Variants in SLC22A4 observed in about 807,000 individuals in gnomAD.
SLC22A4 encodes ET transporter.
In SLC22A4, 39 loss-of-function variants were observed where a neutral mutation model predicts 56.6. The observed-to-expected ratio is 0.69, with a 90% confidence interval of 0.53 to 0.90. The LOEUF (loss-of-function observed/expected upper bound fraction) is 0.90. Ranked by LOEUF, SLC22A4 falls within the 40% of genes least tolerant of loss-of-function variation. SLC22A4 has a pLI of 0.00. For synonymous variants in SLC22A4, 241 were observed against 281.4 expected (o/e 0.86, Z 1.44); for missense variants, 594 against 696.5 (o/e 0.85, Z 1.66).
chr5:132,301,805 G>A (rs976056866), intron 1 of SLC22A4, among the ~76,000 whole-genome samples: 2 of 151,966 alleles, frequency 1.3e-5, no homozygotes, highest in Non-Finnish European at 2.9e-5. Context: ...AAAACCTTCC[G>A]TGATAGGCAG....
chr5:132,335,773 A>T, intron 7 of SLC22A4, 45 bp from the exon 8 acceptor site: 1 of 1,477,824 alleles, frequency 6.8e-7, no homozygotes, highest in Non-Finnish European at 9.5e-7. Context: ...ATAAGAAAGT[A>T]TCACTTCTAA....
At chr5:132,308,865 C>A (rs1162313275) in intron 1 of SLC22A4, among the ~76,000 whole-genome samples, 1 of 152,168 alleles carries the variant, frequency 6.6e-6, no homozygotes, top group Non-Finnish European at 1.5e-5. Context: ...AAAGCACACC[C>A]CCAAAGCAAT....
At chr5:132,316,099 GT>G (rs1399632606) in intron 3 of SLC22A4, among the ~76,000 whole-genome samples, 1 of 152,200 alleles carries the variant, frequency 6.6e-6, no homozygotes, top group Admixed American at 6.5e-5. Context: ...GAGGAGTTTG[GT>G]AGGTGCCTTC....
intron 9 of SLC22A4, among the ~76,000 whole-genome samples, chr5:132,342,730 A>G (rs1330262276): frequency 1.3e-5 from 2 of 152,206 alleles, no homozygotes; most frequent in East Asian, 3.8e-4. Context: ...GTTTCTTACA[A>G]AGGATACAAA....
intron 1 of SLC22A4, among the ~76,000 whole-genome samples, chr5:132,297,662 T>C (rs419291): frequency 0.64 from 96,605 of 151,416 alleles, 31,820 homozygotes; most frequent in African/African-American, 0.78. Context: ...TTAAAAATAG[T>C]TACTACAAAA....
intron 8 of SLC22A4, among the ~76,000 whole-genome samples, 192 bp downstream of exon 8, chr5:132,336,192 C>T (rs1191510327): frequency 6.6e-6 from 1 of 152,080 alleles, no homozygotes; most frequent in African/African-American, 2.4e-5. Context: ...TTTTGTTTTG[C>T]ACAACATCAT....
At chr5:132,333,709 GAGAAA>G (rs1750931541) in intron 6 of SLC22A4, among the ~76,000 whole-genome samples, 1 of 95,246 alleles carries the variant, frequency 1.0e-5, no homozygotes, top group Non-Finnish European at 2.3e-5. Context: ...AAGGAGGAAA[GAGAAA>G]AGAAGAGAGA....
chr5:132,309,626 C>A (rs1263451800), intron 1 of SLC22A4, among the ~76,000 whole-genome samples: 1 of 152,266 alleles, frequency 6.6e-6, no homozygotes, highest in Non-Finnish European at 1.5e-5. Context: ...TGATCCCCTG[C>A]CAGGGCCAGC....
chr5:132,327,172 A>T (rs1305192517), intron 4 of SLC22A4, 105 bp from the exon 5 acceptor site: 1 of 936,540 alleles, frequency 1.1e-6, no homozygotes, highest in Non-Finnish European at 1.6e-6. Context: ...TTAAAAAGAC[A>T]AACTAGAATT....
rs1316351753 is a variant in SLC22A4 at position 132,313,717 on chromosome 5, G to T, written c.601G>T (p.Val201Phe). ...ISWEMFTVLF[V>F]IVGMGQISNY... ...CTGGGAGATGTTCACTGTGTTATTT[G>T]TCATCGTGGGCATGGGCCAGATCTC... The change falls in exon 3 of 10, where the codon GTC becomes TTC. Residue 201 changes from valine (V) to phenylalanine (F), a missense_variant. Transcript: ENST00000200652. 6.2e-7 allele frequency: 1 copy of T among 1,614,214 alleles called. No individual in the cohort carries two copies.
intron 5 of SLC22A4, among the ~76,000 whole-genome samples, chr5:132,330,861 A>T (rs1449880278): frequency 6.6e-6 from 1 of 152,176 alleles, no homozygotes; most frequent in Admixed American, 6.6e-5. Flanking sequence ...TAATAGTTTA[A>T]ATTTACTGGA....
chr5:132,323,896 C>G (rs1047203959), intron 4 of SLC22A4, among the ~76,000 whole-genome samples: 1 of 152,132 alleles, frequency 6.6e-6, no homozygotes, highest in African/African-American at 2.4e-5. Context: ...CCAGTACTTT[C>G]AAAATGTTAT....
chr5:132,333,836 C>T (rs1750936590), intron 6 of SLC22A4, among the ~76,000 whole-genome samples: 1 of 151,718 alleles, frequency 6.6e-6, no homozygotes, highest in African/African-American at 2.4e-5. Flanking sequence ...GATAGAGTTT[C>T]GCTCTGTCAC....
intron 1 of SLC22A4, among the ~76,000 whole-genome samples, chr5:132,310,828 A>G (rs899180131): frequency 5.9e-5 from 9 of 152,162 alleles, no homozygotes; most frequent in Non-Finnish European, 1.3e-4. Context: ...TAAGCAGACT[A>G]CTTCGGATAC....
At chr5:132,341,403 G>A (rs79222665) in intron 9 of SLC22A4, among the ~76,000 whole-genome samples, 88 of 152,230 alleles carry the variant, frequency 5.8e-4, no homozygotes, top group Middle Eastern at 3.4e-3. Flanking sequence ...GGGCAACAGA[G>A]CTAGACTCTG....
chr5:132,335,979 GC>G lies in SLC22A4; in HGVS notation c.1428del (p.Tyr477ThrfsTer20). 1.2e-6 allele frequency: 2 copies of G among 1,614,054 alleles called. No homozygotes were observed. Among genetic ancestry groups the G allele is most frequent in the Non-Finnish European group, 1.7e-6 (2 of 1,179,966 alleles). On this transcript the variant is annotated frameshift_variant, in exon 8 of 10. Transcript: ENST00000200652. LOFTEE classifies it high-confidence loss of function. Reference sequence around the variant, plus strand: ...GGCCTCCAGAGTGGGCAGCATCATTGCCCCCTACTTTGTTTACCTCGGTGAG... The same window carrying G: ...GGCCTCCAGAGTGGGCAGCATCATTGCCCCTACTTTGTTTACCTCGGTGAG... ...STASRVGSII[A>X]PYFVYLGAYN... is the part of the protein sequence containing the mutation.
intron 1 of SLC22A4, among the ~76,000 whole-genome samples, chr5:132,300,108 G>A (rs1335821052): frequency 6.6e-6 from 1 of 152,142 alleles, no homozygotes; most frequent in African/African-American, 2.4e-5. Flanking sequence ...TTTGATGAAT[G>A]CTCCTCAGTT....
intron 1 of SLC22A4, 28 bp downstream of exon 1, chr5:132,295,037 C>G (rs1322437000): frequency 6.3e-7 from 1 of 1,592,256 alleles, no homozygotes; most frequent in Admixed American, 1.7e-5. Context: ...ACCGTTGACC[C>G]GGGAGTGCCT....
intron 3 of SLC22A4, among the ~76,000 whole-genome samples, chr5:132,318,093 T>C (rs772096662): frequency 5.9e-5 from 9 of 152,174 alleles, no homozygotes; most frequent in Admixed American, 3.9e-4. Context: ...TACACAGAGA[T>C]AGGAAATGTT....
Sources: gnomAD v4.1 joint callset for allele counts (sites outside exome capture counted in the v4.1 genomes callset) on GRCh38, gnomAD v4.1.1 for gene constraint, MANE v1.5 for transcripts, NCBI Gene and HGNC (gene_info 2026-07-23, HGNC 2026-07-21) for gene names.